Variants in SNX1 observed in about 807,000 individuals in gnomAD.
SNX1 encodes the protein sorting nexin 1.
Under a neutral mutation model 71.8 loss-of-function variants are expected in SNX1, and 36 were observed. That is an observed-to-expected ratio of 0.50 (90% CI 0.38 to 0.66). The LOEUF (loss-of-function observed/expected upper bound fraction) is 0.66. SNX1 is among the 30% of genes least tolerant of loss of function. The pLI is 0.00. For missense variants in SNX1, 612 were observed against 646.7 expected (o/e 0.95, Z 0.58); for synonymous variants, 254 against 240.7 (o/e 1.06, Z -0.51).
intron 1 of SNX1, among the ~76,000 whole-genome samples, chr15:64,096,661 C>T (rs2080904842): frequency 6.6e-6 from 1 of 152,200 alleles, no homozygotes; most frequent in Non-Finnish European, 1.5e-5. Context: ...AAGGCCCTTT[C>T]TGGATCTTAG....
At chr15:64,120,829 A>T (rs2081190167) in intron 4 of SNX1, among the ~76,000 whole-genome samples, 1 of 152,188 alleles carries the variant, frequency 6.6e-6, no homozygotes, top group Non-Finnish European at 1.5e-5. Context: ...TAACAGAGTG[A>T]GATCCTGTCT....
In SNX1 at chr15:64,129,799, A is replaced by G. The variant is rs2140156356; in HGVS notation, c.808-117A>G. The G allele has an allele frequency of 1.4e-6, 1 of 727,446 alleles. No individual in the cohort carries two copies. Among genetic ancestry groups the G allele is most frequent in the East Asian group, 2.5e-5 (1 of 39,994 alleles). 45.1% of individuals were successfully genotyped at this position (727,446 alleles called of 1,614,324 possible). A position where few individuals can be genotyped will look rare whatever the true frequency, so the allele number is the denominator to read the frequency against. ...CTCAGACTGCCTTTGAAAACAATTTACAGTTCAAATAATTTGTCTGGCAAG... is the reference window on the plus strand; with the variant it reads ...CTCAGACTGCCTTTGAAAACAATTTGCAGTTCAAATAATTTGTCTGGCAAG... On this transcript the variant is annotated intron_variant, in intron 8 of 14. Transcript: ENST00000559844. The surrounding 1 kb of genome is among the most constrained non-coding windows in gnomAD (Gnocchi z 4.4).
Position 64,141,310 on chromosome 15 carries a change from T to C in SNX1, c.*3692T>C, listed in dbSNP as rs1421368678. ...TGTCTCCTCTGGTTTCAGAACTTCC[T>C]CCTCTGCTTCCTGTATCCTGAGGCT... On this transcript the variant is annotated 3_prime_UTR_variant, in exon 15 of 15. Coordinates refer to ENST00000559844, the MANE Select transcript of SNX1 (RefSeq NM_003099.5). The surrounding 1 kb of genome is among the most constrained non-coding windows in gnomAD (Gnocchi z 5.1). 6.6e-6 allele frequency: 1 copy of C among 152,258 alleles called. No homozygotes were observed. The highest frequency in any genetic ancestry group is 1.9e-4 in the East Asian group (1 of 5,198). The allele number at this position is 152,258 out of a possible 1,614,324, so 9.4% of individuals were successfully genotyped here.
Position 64,127,237 on chromosome 15 carries a change from G to A in SNX1, c.716G>A (p.Arg239Lys). ...SSSAEFLEKR[R>K]AALERYLQRI... is the part of the protein sequence containing the mutation. ...TCTGCAGAATTTCTTGAAAAACGGA[G>A]GGCCGCTTTAGAAAGGTAAGTGCCA... Residue 239 changes from arginine to lysine, a missense_variant, in exon 7 of 15, where the codon AGG becomes AAG. Arg to Lys is a conservative substitution (Grantham distance 26). Coordinates refer to ENST00000559844, the MANE Select transcript of SNX1 (RefSeq NM_003099.5). 1 of 1,613,436 alleles carries A rather than the reference G, an allele frequency of 6.2e-7. No homozygotes were observed. The highest frequency in any genetic ancestry group is 8.5e-7 in the Non-Finnish European group (1 of 1,179,616).
chr15:64,114,990 A>G (rs942263136), intron 2 of SNX1, among the ~76,000 whole-genome samples: 1 of 152,186 alleles, frequency 6.6e-6, no homozygotes, highest in Admixed American at 6.5e-5. Flanking sequence ...AAAAATAAAA[A>G]TAAATTTCTG....
At chr15:64,108,325 T>C (rs1231315389) in intron 1 of SNX1, among the ~76,000 whole-genome samples, 1 of 152,216 alleles carries the variant, frequency 6.6e-6, no homozygotes, top group East Asian at 1.9e-4. Context: ...ATTTTAACTG[T>C]TGATTTAAAA....
At chr15:64,104,311 C>G (rs377387237) in intron 1 of SNX1, among the ~76,000 whole-genome samples, 2 of 129,300 alleles carry the variant, frequency 1.5e-5, no homozygotes, top group African/African-American at 5.9e-5. Flanking sequence ...CTCGCTGTGT[C>G]GCCCCAGCTG....
chr15:64,136,506 C>G, intron 13 of SNX1, 96 bp downstream of exon 13: 1 of 1,105,332 alleles, frequency 9.0e-7, no homozygotes. Context: ...GAGAGAGGTG[C>G]CAGTAACTTG....
At chr15:64,132,394 G>C (rs1270921299) in intron 11 of SNX1, 1 of 163,784 alleles carries the variant, frequency 6.1e-6, no homozygotes, top group African/African-American at 2.4e-5. Context: ...GGAGGAGTGC[G>C]GCCAGGGGAC....
chr15:64,115,099 A>G (rs2081115302), intron 2 of SNX1, among the ~76,000 whole-genome samples: 1 of 152,248 alleles, frequency 6.6e-6, no homozygotes, highest in South Asian at 2.1e-4. Flanking sequence ...TAACATTTAT[A>G]TGATCTTTCA....
rs2081425734 is a variant in SNX1, at chr15:64,142,535, G to A, written c.*4917G>A. On this transcript the variant is annotated 3_prime_UTR_variant, in exon 15 of 15. Coordinates refer to ENST00000559844, the MANE Select transcript of SNX1 (RefSeq NM_003099.5). ...GGAAGGGGACCTGTGTTCAGAGGGT[G>A]CCTCACTGCTGAGGCCACAGGAAAG... The A allele has an allele frequency of 4.6e-6, 2 of 432,334 alleles. No homozygotes were observed. Among genetic ancestry groups the A allele is most frequent in the Admixed American group, 5.0e-5 (2 of 40,208 alleles). The allele number at this position is 432,334 out of a possible 1,614,324, so 26.8% of individuals were successfully genotyped here.
intron 4 of SNX1, 144 bp downstream of exon 4, chr15:64,118,998 T>C: frequency 1.6e-6 from 1 of 608,398 alleles, no homozygotes; most frequent in East Asian, 3.0e-5. Context: ...GTAGACCCCT[T>C]GCTATGTTTC....
chr15:64,138,590 C>T lies in SNX1; in HGVS notation c.*972C>T, dbSNP rs146032742. The T allele has an allele frequency of 4.6e-3, 740 of 162,180 alleles. 5 individuals are homozygous for T. Among genetic ancestry groups the T allele is most frequent in the African/African-American group, 0.016 (677 of 41,712 alleles). The allele number at this position is 162,180 out of a possible 1,614,324, so 10.0% of individuals were successfully genotyped here. A position where few individuals can be genotyped will look rare whatever the true frequency, so the allele number is the denominator to read the frequency against. On this transcript the variant is annotated 3_prime_UTR_variant, in exon 15 of 15. Transcript: ENST00000559844. The stretch of plus-strand genomic sequence containing the variant: ...CTCTAGATAGGGTGATCCAAGAGCT[C>T]CTGAACCTTAGGAGGTTCAAAGAAG...
Position 64,126,184 on chromosome 15 carries a change from T to C in SNX1, c.616T>C (p.Phe206Leu). The change falls in exon 6 of 15, where the codon TTC becomes CTC. Residue 206 changes from phenylalanine (F) to leucine (L), a missense_variant. Physicochemically the swap from Phe to Leu is conservative, Grantham distance 22 (BLOSUM62 0). This residue lies in a region of SNX1 where 316 missense variants were observed against 284.9 expected (regional missense o/e 1.11). Coordinates refer to ENST00000559844, the MANE Select transcript of SNX1 (RefSeq NM_003099.5). ...KLSEKHSQNGFIVPPPPEKSL... is the reference protein window; with the variant it reads ...KLSEKHSQNGLIVPPPPEKSL... Reference sequence around the variant, plus strand: ...TTCCGAGAAGCACTCTCAGAATGGCTTCATTGTCCCTCCGCCCCCGGAGAA... The same window carrying C: ...TTCCGAGAAGCACTCTCAGAATGGCCTCATTGTCCCTCCGCCCCCGGAGAA... The C allele has an allele frequency of 6.2e-7, 1 of 1,614,178 alleles. No individual in the cohort carries two copies. Among genetic ancestry groups the C allele is most frequent in the South Asian group, 1.1e-5 (1 of 91,080 alleles).
intron 10 of SNX1, 72 bp from the exon 11 acceptor site, chr15:64,131,615 T>G (rs965299009): frequency 6.2e-6 from 9 of 1,462,432 alleles, no homozygotes; most frequent in Non-Finnish European, 8.6e-6. Flanking sequence ...AGACATGCCA[T>G]GCAGTGTCAG....
chr15:64,136,294 A>T, intron 12 of SNX1, 36 bp from the exon 13 acceptor site: 2 of 1,523,766 alleles, frequency 1.3e-6, no homozygotes, highest in African/African-American at 2.7e-5. Context: ...TGGTGCCATA[A>T]TATGAGGTGA....
intron 1 of SNX1, among the ~76,000 whole-genome samples, chr15:64,112,227 C>T (rs911365363): frequency 6.6e-6 from 1 of 152,100 alleles, no homozygotes; most frequent in Non-Finnish European, 1.5e-5. Context: ...CTAGAATGTG[C>T]ACAGTCAGCA....
rs1183874248 is a variant in SNX1 at position 64,138,012 on chromosome 15, T to C, written c.*394T>C. On this transcript the variant is annotated 3_prime_UTR_variant, in exon 15 of 15. Transcript: ENST00000559844. The stretch of plus-strand genomic sequence containing the variant: ...TAAAATATTTTAAAATCAGGTCACA[T>C]GACTCAGAATGTTGGTGGTTTTTGC... The C allele has an allele frequency of 3.3e-6, 5 of 1,499,794 alleles. No homozygotes were observed. The highest frequency in any genetic ancestry group is 4.8e-5 in the Admixed American group (2 of 41,600). The allele number at this position is 1,499,794 out of a possible 1,614,324, so 92.9% of individuals were successfully genotyped here.
intron 1 of SNX1, among the ~76,000 whole-genome samples, chr15:64,109,757 C>T (rs368030216): frequency 2.6e-5 from 4 of 152,170 alleles, no homozygotes; most frequent in Non-Finnish European, 5.9e-5. Context: ...ATGTAGGCAC[C>T]TCTGCCTCCC....
Sources: allele counts gnomAD v4.1 joint callset (sites outside exome capture counted in the v4.1 genomes callset), GRCh38; gene constraint gnomAD v4.1.1; regional missense constraint gnomAD v4.1.1; non-coding constraint Gnocchi (gnomAD v3.1); transcripts MANE v1.5; gene names NCBI Gene and HGNC (gene_info 2026-07-23, HGNC 2026-07-21).